GRIP1: variants seen among roughly 807,000 people sequenced by gnomAD.
The protein encoded by GRIP1 is glutamate receptor-interacting protein 1.
In GRIP1, 45 loss-of-function variants were observed where a neutral mutation model predicts 129.9. The ratio of observed to expected loss-of-function variants is 0.35; its 90% CI spans 0.27 to 0.44. The LOEUF (loss-of-function observed/expected upper bound fraction) is 0.44. Ranked by LOEUF, GRIP1 falls within the 20% of genes least tolerant of loss-of-function variation. The probability of loss-of-function intolerance (pLI) is 1.00; values close to 1 mark genes in which losing one functional copy is unlikely to be tolerated. For synonymous variants in GRIP1, 530 were observed against 520.8 expected, an observed-to-expected ratio of 1.02 and a Z score of -0.24; for missense variants, 1,196 against 1,396.8, an observed-to-expected ratio of 0.86 and a Z score of 2.29.
At position 66,959,109 on chromosome 12, in the gene GRIP1, CT is replaced by C. The variant is rs1339244269; in HGVS notation, c.58+109940del. ...CTTTCCCCATTTTTTAATTGGTATA[CT>C]TTTTAAAATATTTATATGTAAGAGT... On this transcript the variant is annotated intron_variant, in intron 1 of 1. Transcript: ENST00000643019. Among the ~76,000 whole-genome samples the C allele has an allele frequency of 2.6e-5, 4 of 152,168 alleles. No individual in the cohort carries two copies. In the South Asian group the frequency reaches 6.2e-4, roughly 24 times the overall value.
Position 67,061,181 on chromosome 12 carries a change from T to G in GRIP1, c.58+7869A>C, listed in dbSNP as rs578066797. Reference sequence around the variant, plus strand: ...AAGACTACGGATTGAAATTTTTTAATAAAAATTTCCAATTTATGAAACACA... The same window carrying G: ...AAGACTACGGATTGAAATTTTTTAAGAAAAATTTCCAATTTATGAAACACA... On this transcript the variant is annotated intron_variant, in intron 1 of 1. Coordinates refer to the GRIP1 transcript ENST00000643019. Among the ~76,000 whole-genome samples the G allele has an allele frequency of 2.0e-5, 3 of 152,336 alleles. No homozygotes were observed. The South Asian group carries it at 6.2e-4, about 32-fold the overall frequency.
intron 23 of GRIP1, among the ~76,000 whole-genome samples, chr12:66,362,281 G>A (rs1371689997): frequency 6.6e-6 from 1 of 150,616 alleles, no homozygotes; most frequent in Non-Finnish European, 1.5e-5. Flanking sequence ...TGCTTCCTGA[G>A]TAGCTGGGAT....
intron 15 of GRIP1, chr12:66,407,277 C>G (rs1238566773): frequency 6.6e-6 from 1 of 152,060 alleles, no homozygotes; most frequent in South Asian, 2.1e-4. Context: ...AGGAGGGAGG[C>G]GGAGCAAGGT....
At position 66,489,247 on chromosome 12, in the gene GRIP1, T is replaced by C. The variant is rs147515967; in HGVS notation, c.725-23825A>G. On this transcript the variant is annotated intron_variant, in intron 7 of 24. Transcript: ENST00000359742. ...ATAAAATAAGTAATGGCAAACCAAA[T>C]CCAGCAGCACACCAAAAGGCTTATC... 1.2e-4 allele frequency among the ~76,000 whole-genome samples: 18 copies of C among 152,192 alleles called. No individual in the cohort carries two copies. The East Asian group carries it at 2.3e-3, about 20-fold the overall frequency.
At chr12:66,842,845 G>C (rs560003247) in intron 1 of GRIP1, among the ~76,000 whole-genome samples, 1 of 152,226 alleles carries the variant, frequency 6.6e-6, no homozygotes, top group South Asian at 2.1e-4. Context: ...TGTAAGGTGT[G>C]TCTCTGGAAA....
intron 1 of GRIP1, among the ~76,000 whole-genome samples, chr12:66,999,160 T>A (rs1006491237): frequency 9.2e-5 from 14 of 152,054 alleles, no homozygotes; most frequent in Non-Finnish European, 1.5e-4. Context: ...CATACCTACA[T>A]CTCAATGGAG....
chr12:66,629,077 G>A (rs868769576), intron 1 of GRIP1, among the ~76,000 whole-genome samples: 4 of 152,036 alleles, frequency 2.6e-5, no homozygotes, highest in African/African-American at 9.7e-5. Context: ...CTTCTTTATT[G>A]CAAGTATGCA....
In GRIP1 at chr12:67,035,370, T is replaced by G. The variant is rs890128463; in HGVS notation, c.58+33680A>C. 69 of 152,226 alleles carry G rather than the reference T, an allele frequency of 4.5e-4. 1 individual carries two copies. The highest frequency in any genetic ancestry group is 1.6e-3 in the African/African-American group (66 of 41,552). The allele number at this position is 152,226 out of a possible 1,614,324, so 9.4% of individuals were successfully genotyped here. On this transcript the variant is annotated intron_variant, in intron 1 of 1. Coordinates refer to the GRIP1 transcript ENST00000643019. ...CAGTTTGGAATTCAGTCCCTTAAGT[T>G]AGGGAACAAAGTCTGAATCTGCCTG...
chr12:66,946,965 C>T (rs1321995514), intron 1 of GRIP1, among the ~76,000 whole-genome samples: 2 of 151,754 alleles, frequency 1.3e-5, no homozygotes, highest in Admixed American at 1.3e-4. Context: ...AATTGCTCGA[C>T]CCCAGGAGGC....
intron 1 of GRIP1, among the ~76,000 whole-genome samples, chr12:66,972,931 G>C (rs2137582166): frequency 6.6e-6 from 1 of 152,258 alleles, no homozygotes; most frequent in South Asian, 2.1e-4. Context: ...CCCCAAACAG[G>C]GTCCGGGGTG....
At chr12:66,664,636 T>C (rs907471615) in intron 1 of GRIP1, among the ~76,000 whole-genome samples, 11 of 152,214 alleles carry the variant, frequency 7.2e-5, no homozygotes, top group Non-Finnish European at 2.9e-5. Flanking sequence ...GGTATCTTGA[T>C]ATTTAGCTTC....
chr12:66,922,213 A>T (rs1375010395), intron 1 of GRIP1, among the ~76,000 whole-genome samples: 1 of 152,212 alleles, frequency 6.6e-6, no homozygotes. Context: ...CACTTTTTTA[A>T]TATATCCAGC....
At chr12:66,863,730 T>A (rs931745687) in intron 1 of GRIP1, among the ~76,000 whole-genome samples, 1 of 152,140 alleles carries the variant, frequency 6.6e-6, no homozygotes, top group Non-Finnish European at 1.5e-5. Context: ...GTGTTCCTCA[T>A]ACGCCCTGTG....
chr12:66,514,871 C>G (rs1397062206), intron 7 of GRIP1, among the ~76,000 whole-genome samples: 2 of 152,086 alleles, frequency 1.3e-5, no homozygotes, highest in Non-Finnish European at 2.9e-5. Flanking sequence ...AGTCAGGTCA[C>G]CTAATCGAGT....
At chr12:66,908,553 A>T (rs1384284817) in intron 1 of GRIP1, among the ~76,000 whole-genome samples, 1 of 152,190 alleles carries the variant, frequency 6.6e-6, no homozygotes, top group Non-Finnish European at 1.5e-5. Context: ...AAATTGAGGA[A>T]CAAATATGAT....
At chr12:66,711,911 G>A (rs535952776) in intron 1 of GRIP1, among the ~76,000 whole-genome samples, 15 of 151,946 alleles carry the variant, frequency 9.9e-5, no homozygotes, top group South Asian at 4.1e-4. Context: ...TAGTTGGTAC[G>A]AAAAGAATCT....
Position 66,603,913 on chromosome 12 carries a change from A to G in GRIP1, c.56-6986T>C, listed in dbSNP as rs139536795. ...GATTGTAATAATAATCTATTAGTCA[A>G]TTTACATTTTAAGGTGGAGAGAGGA... On this transcript the variant is annotated intron_variant, in intron 1 of 24. Coordinates refer to ENST00000359742, the MANE Select transcript of GRIP1 (RefSeq NM_001366722.1). Among the ~76,000 whole-genome samples the G allele has an allele frequency of 4.8e-3, 729 of 152,324 alleles. 8 individuals carry two copies. The highest frequency in any genetic ancestry group is 0.017 in the African/African-American group (694 of 41,570).
intron 1 of GRIP1, among the ~76,000 whole-genome samples, chr12:66,906,818 CT>C (rs2040941471): frequency 6.6e-6 from 1 of 152,182 alleles, no homozygotes; most frequent in Non-Finnish European, 1.5e-5. Context: ...TCCTAGTTGG[CT>C]TTTCTTTTTA....
At chr12:66,365,018 C>A (rs2055050493) in intron 23 of GRIP1, among the ~76,000 whole-genome samples, 1 of 152,090 alleles carries the variant, frequency 6.6e-6, no homozygotes, top group Non-Finnish European at 1.5e-5. Context: ...TTACAGAGGT[C>A]ATGAATATGC....
Sources: allele counts gnomAD v4.1 joint callset (sites outside exome capture counted in the v4.1 genomes callset), GRCh38; gene constraint gnomAD v4.1.1; transcripts MANE v1.5; gene names NCBI Gene and HGNC (gene_info 2026-07-23, HGNC 2026-07-21).